Variants in KIAA1671 observed in about 807,000 individuals in gnomAD.
KIAA1671 encodes the protein uncharacterized protein KIAA1671.
KIAA1671 carries 52 observed loss-of-function variants against 131.2 expected under a neutral mutation model. The ratio of observed to expected loss-of-function variants is 0.40; its 90% CI spans 0.32 to 0.50. The LOEUF is 0.50. Among genes scored for constraint, KIAA1671 ranks in the 20% least tolerant of loss-of-function variants. KIAA1671 has a pLI of 0.73. For missense variants in KIAA1671, 2,360 were observed against 2,364.2 expected (o/e 1.00, Z 0.04); for synonymous variants, 1,003 against 961.6 (o/e 1.04, Z -0.80).
At chr22:25,096,025 C>T (rs1930375856) in intron 6 of KIAA1671, among the ~76,000 whole-genome samples, 1 of 152,194 alleles carries the variant, frequency 6.6e-6, no homozygotes, top group Admixed American at 6.5e-5. Context: ...GATGTGTTCC[C>T]TGCCTGCCGC....
At chr22:25,060,582 G>A (rs1928105398) in intron 6 of KIAA1671, 2 of 152,222 alleles carry the variant, frequency 1.3e-5, no homozygotes, top group South Asian at 2.1e-4. Context: ...ATTCACACTT[G>A]TTATCTCACT....
At chr22:25,074,192 A>G (rs1928976326) in intron 6 of KIAA1671, among the ~76,000 whole-genome samples, 1 of 151,214 alleles carries the variant, frequency 6.6e-6, no homozygotes, top group South Asian at 2.1e-4. Flanking sequence ...TAGAGAGGAT[A>G]TATATATATT....
At chr22:25,139,532 A>G (rs992638089) in intron 6 of KIAA1671, among the ~76,000 whole-genome samples, 1 of 152,250 alleles carries the variant, frequency 6.6e-6, no homozygotes, top group Non-Finnish European at 1.5e-5. Context: ...TAATGACACC[A>G]TCTATCTCCT....
intron 6 of KIAA1671, among the ~76,000 whole-genome samples, chr22:25,138,823 C>G (rs1932762021): frequency 6.6e-6 from 1 of 152,182 alleles, no homozygotes; most frequent in Non-Finnish European, 1.5e-5. Context: ...CTGAGTAGCT[C>G]TTGGTGCCTG....
At chr22:24,961,647 C>G (rs992629667) in intron 1 of KIAA1671, among the ~76,000 whole-genome samples, 1 of 152,174 alleles carries the variant, frequency 6.6e-6, no homozygotes, top group African/African-American at 2.4e-5. Flanking sequence ...CAGAAGCCTC[C>G]GTTCTGAACT....
rs1784307456 is a variant in KIAA1671, at chr22:25,029,397, A to G, written c.1398A>G (p.Pro466=). The part of the protein sequence containing the change: ...SESPLATPAS[P]SAAPEPEKGV... Reference sequence around the variant, plus strand: ...CTCCCCTGGCCACCCCTGCGTCCCCATCGGCGGCACCAGAGCCGGAGAAAG... The same window carrying G: ...CTCCCCTGGCCACCCCTGCGTCCCCGTCGGCGGCACCAGAGCCGGAGAAAG... Residue 466 remains proline, a synonymous_variant, in exon 3 of 13, where the codon CCA becomes CCG. Transcript: ENST00000358431. 2.6e-6 allele frequency: 4 copies of G among 1,551,276 alleles called. No homozygotes were observed. The highest frequency in any genetic ancestry group is 3.9e-5 in the Admixed American group (2 of 50,986).
chr22:25,038,981 C>G lies in KIAA1671; in HGVS notation c.1851C>G (p.His617Gln). The change falls in exon 5 of 13, where the codon CAC (histidine) becomes CAG (glutamine). Residue 617 changes from histidine (H) to glutamine (Q), a missense_variant. Coordinates refer to ENST00000358431, the MANE Select transcript of KIAA1671 (RefSeq NM_001145206.2). ...CTGTGTGGGCCACAGTATTTGAGCA[C>G]CACGTGGAGAGACACACAGTGGCTG... ...FQTVWATVFEHHVERHTVADQ... is the reference protein window; with the variant it reads ...FQTVWATVFEQHVERHTVADQ... 2.6e-6 allele frequency: 4 copies of G among 1,551,788 alleles called. No homozygotes were observed. The highest frequency in any genetic ancestry group is 3.5e-6 in the Non-Finnish European group (4 of 1,147,038).
chr22:25,177,204 AT>A, intron 8 of KIAA1671, 143 bp from the exon 9 acceptor site: 1 of 745,616 alleles, frequency 1.3e-6, no homozygotes, highest in Non-Finnish European at 2.1e-6. Context: ...TTAGGTTACT[AT>A]TAAAATGTGG....
chr22:25,086,787 C>T (rs1388701420), intron 6 of KIAA1671, among the ~76,000 whole-genome samples: 3 of 152,300 alleles, frequency 2.0e-5, no homozygotes, highest in East Asian at 1.9e-4. Flanking sequence ...GGCGCCAGTC[C>T]GAATCCCAGC....
chr22:25,071,608 T>TCCCGCCACTGCACTCCAGCCTGGG (rs1361487925), intron 6 of KIAA1671, among the ~76,000 whole-genome samples: 19 of 111,720 alleles, frequency 1.7e-4, no homozygotes, highest in Non-Finnish European at 2.4e-4. Context: ...TCTCCAATAA[T>TCCCGCCACTGCACTCCAGCCTGGG]CGTATTTTTG....
At chr22:24,979,099 G>A (rs1419409088) in intron 1 of KIAA1671, among the ~76,000 whole-genome samples, 2 of 150,330 alleles carry the variant, frequency 1.3e-5, no homozygotes, top group South Asian at 2.1e-4. Flanking sequence ...AGGTTCAAGC[G>A]ATTCTCCTGC....
At chr22:25,190,821 C>T (rs769612347) in intron 12 of KIAA1671, 37 bp downstream of exon 12, 247 of 1,424,340 alleles carry the variant, frequency 1.7e-4, no homozygotes, top group Non-Finnish European at 2.2e-4. Flanking sequence ...TGGGAAGAGC[C>T]CTGCAGTCAC....
chr22:25,178,106 G>C (rs1276337693), intron 9 of KIAA1671, among the ~76,000 whole-genome samples: 1 of 152,196 alleles, frequency 6.6e-6, no homozygotes, highest in East Asian at 1.9e-4. Flanking sequence ...CAGCAGCTTT[G>C]GGATGGGGCT....
intron 6 of KIAA1671, among the ~76,000 whole-genome samples, chr22:25,094,272 C>G (rs1930292851): frequency 6.6e-6 from 1 of 152,082 alleles, no homozygotes; most frequent in African/African-American, 2.4e-5. Flanking sequence ...TTGGAGCCCT[C>G]CAGAGCTCCC....
At chr22:25,099,638 T>C (rs982002281) in intron 6 of KIAA1671, among the ~76,000 whole-genome samples, 7 of 140,888 alleles carry the variant, frequency 5.0e-5, no homozygotes, top group African/African-American at 1.8e-4. Flanking sequence ...CACTGCAACC[T>C]CTGCCTCCCG....
intron 6 of KIAA1671, among the ~76,000 whole-genome samples, chr22:25,169,568 C>T (rs1933771190): frequency 6.6e-6 from 1 of 152,226 alleles, no homozygotes; most frequent in South Asian, 2.1e-4. Context: ...CTTCTCCCCA[C>T]TCAACAAAGC....
intron 6 of KIAA1671, among the ~76,000 whole-genome samples, chr22:25,165,142 G>A (rs1159267134): frequency 6.6e-6 from 1 of 152,038 alleles, no homozygotes; most frequent in Non-Finnish European, 1.5e-5. Flanking sequence ...AGGTTACCAG[G>A]ATACTAACTA....
chr22:25,115,123 G>A (rs2145919939), intron 6 of KIAA1671, among the ~76,000 whole-genome samples: 1 of 152,328 alleles, frequency 6.6e-6, no homozygotes, highest in South Asian at 2.1e-4. Flanking sequence ...GAAAACAAAT[G>A]CTTTGTCTCT....
chr22:25,028,392 C>T lies in KIAA1671; in HGVS notation c.393C>T (p.Phe131=). ...GEGPRTSSPL[F]NKAVFLRPSS... ...GCCCGAGGACGAGCTCGCCCCTCTT[C>T]AACAAGGCTGTGTTCCTGCGGCCCA... is the stretch of plus-strand genomic sequence containing the variant. Residue 131 remains phenylalanine, a synonymous_variant, in exon 3 of 13, where the codon TTC becomes TTT. Coordinates refer to ENST00000358431, the MANE Select transcript of KIAA1671 (RefSeq NM_001145206.2). 5.2e-6 allele frequency: 8 copies of T among 1,551,010 alleles called. No homozygotes were observed. The highest frequency in any genetic ancestry group is 6.1e-6 in the Non-Finnish European group (7 of 1,146,844).
Sources: allele counts gnomAD v4.1 joint callset (sites outside exome capture counted in the v4.1 genomes callset), GRCh38; gene constraint gnomAD v4.1.1; transcripts MANE v1.5; gene names NCBI Gene and HGNC (gene_info 2026-07-23, HGNC 2026-07-21).